The following SIRT6 variants were observed in gnomAD, a reference collection of about 807,000 sequenced individuals.
The protein encoded by SIRT6 is sirtuin 6, also known as NAD-dependent protein deacylase sirtuin-6.
In SIRT6, 21 loss-of-function variants were observed where a neutral mutation model predicts 33.6. The observed-to-expected ratio is 0.62, with a 90% CI of 0.44 to 0.90. The LOEUF (loss-of-function observed/expected upper bound fraction) is 0.90. Ranked by LOEUF, SIRT6 falls within the 40% of genes least tolerant of loss-of-function variation. The pLI is 0.00. For missense variants in SIRT6, 504 were observed against 510.6 expected (o/e 0.99, Z 0.12); for synonymous variants, 221 against 223.9 (o/e 0.99, Z 0.12).
At chr19:4,175,467 C>G in intron 6 of SIRT6, 3 of 626,634 alleles carry the variant, frequency 4.8e-6, no homozygotes, top group East Asian at 2.8e-5. Context: ...CTGGCGGAAG[C>G]CTTGGTTTCC....
At position 4,175,167 on chromosome 19, in the gene SIRT6, G is replaced by A. The variant is rs199567849; in HGVS notation, c.615-16C>T. 57 of 1,593,144 alleles carry A rather than the reference G, an allele frequency of 3.6e-5. No individual in the cohort carries two copies. The highest frequency in any genetic ancestry group is 6.7e-5 in the South Asian group (6 of 89,292). ...GTCGGCGTTCCTGGGGCCGGGGAGC[G>A]TGGGCTGAGCCTGATGCCCTGCTCC... On this transcript the variant is annotated splice_polypyrimidine_tract_variant and intron_variant, in intron 6 of 7. Coordinates refer to ENST00000337491, the MANE Select transcript of SIRT6 (RefSeq NM_016539.4).
In SIRT6 at chr19:4,175,875, G is replaced by T; in HGVS notation, c.500C>A (p.Thr167Asn). The T allele has an allele frequency of 6.4e-7, 1 of 1,566,694 alleles. No homozygotes were observed. Among genetic ancestry groups the T allele is most frequent in the Non-Finnish European group, 8.7e-7 (1 of 1,156,046 alleles). The change falls in exon 5 of 8, where the codon ACC becomes AAC. Residue 167 changes from threonine to asparagine, a missense_variant. Physicochemically the swap from Thr to Asn is moderately conservative, Grantham distance 65. Transcript: ENST00000337491. ...TCGCAGCCCCCTTGCCTTAGCCACG[G>T]TGCAGAGCCGGCCCGTGGCCTTCAG... ...MGLKATGRLCTVAKARGLRAC... is the reference protein window; with the variant it reads ...MGLKATGRLCNVAKARGLRAC...
chr19:4,176,629 G>GT (rs1026644435), intron 4 of SIRT6, among the ~76,000 whole-genome samples: 1 of 152,140 alleles, frequency 6.6e-6, no homozygotes, highest in Non-Finnish European at 1.5e-5. Context: ...CCCTGTGGCT[G>GT]TAGGTCCAGG....
At chr19:4,181,985 A>T (rs1275011332) in intron 1 of SIRT6, among the ~76,000 whole-genome samples, 1 of 152,000 alleles carries the variant, frequency 6.6e-6, no homozygotes, top group Non-Finnish European at 1.5e-5. Flanking sequence ...GACTTCCCCA[A>T]AGTCCCACAG....
intron 6 of SIRT6, 169 bp from the exon 7 acceptor site, chr19:4,175,320 C>A: frequency 1.1e-6 from 1 of 918,272 alleles, no homozygotes; most frequent in Non-Finnish European, 1.6e-6. Context: ...CTCTGCGGTC[C>A]GTTGGCGGGG....
intron 2 of SIRT6, among the ~76,000 whole-genome samples, chr19:4,180,104 T>G (rs1195427829): frequency 7.6e-6 from 1 of 132,402 alleles, no homozygotes; most frequent in Non-Finnish European, 1.6e-5. Context: ...TTTTTTTTTT[T>G]TTTTTTTTTT....
At position 4,175,046 on chromosome 19, in the gene SIRT6, G is replaced by A. The variant is rs1392924213; in HGVS notation, c.720C>T (p.Asn240=). 6.3e-7 allele frequency: 1 copy of A among 1,592,266 alleles called. No individual in the cohort carries two copies. Among genetic ancestry groups the A allele is most frequent in the Admixed American group, 1.8e-5 (1 of 57,100 alleles). ...CACCTACGTGCTTGGTGGGCTGCAG[G>A]TTGACGATGACCAGGCGGCCTCCCC... ...KRRGGRLVIV[N]LQPTKHDRHA... Residue 240 remains asparagine (N), a synonymous_variant, in exon 7 of 8, where the codon AAC becomes AAT. Transcript: ENST00000337491.
intron 6 of SIRT6, chr19:4,175,363 G>A (rs1215783550): frequency 1.0e-5 from 7 of 688,048 alleles, no homozygotes; most frequent in Non-Finnish European, 1.7e-5. Flanking sequence ...AGACACTTCC[G>A]GGGAGTATCA....
At chr19:4,175,621 G>A in intron 6 of SIRT6, 59 bp downstream of exon 6, 2 of 1,416,496 alleles carry the variant, frequency 1.4e-6, no homozygotes, top group Non-Finnish European at 1.9e-6. Context: ...AGCTGGCTGT[G>A]TTTCTGCTGT....
At chr19:4,175,195 C>T (rs1348642503) in intron 6 of SIRT6, 44 bp from the exon 7 acceptor site, 3 of 1,565,440 alleles carry the variant, frequency 1.9e-6, no homozygotes, top group Non-Finnish European at 2.6e-6. Context: ...CCTGCTCCTG[C>T]CAACATCCCG....
intron 3 of SIRT6, among the ~76,000 whole-genome samples, 160 bp downstream of exon 3, chr19:4,178,944 G>A (rs1364259594): frequency 1.3e-5 from 2 of 151,844 alleles, no homozygotes. Context: ...CCTCAGCCGG[G>A]ACAGCTCTGA....
chr19:4,177,836 C>T (rs1436128683), intron 3 of SIRT6, among the ~76,000 whole-genome samples: 3 of 152,078 alleles, frequency 2.0e-5, no homozygotes, highest in East Asian at 1.9e-4. Context: ...GTGATCCACC[C>T]GCCTCGGCCT....
chr19:4,174,713 G>A lies in SIRT6; in HGVS notation c.972C>T (p.Asn324=), dbSNP rs757305022. 20 of 1,472,328 alleles carry A rather than the reference G, an allele frequency of 1.4e-5. No individual in the cohort carries two copies. Among genetic ancestry groups the A allele is most frequent in the Admixed American group, 1.0e-4 (4 of 39,630 alleles). 91.2% of individuals were successfully genotyped at this position (1,472,328 alleles called of 1,614,324 possible). A position where few individuals can be genotyped will look rare whatever the true frequency, so the allele number is the denominator to read the frequency against. ...GTTTGGGGCTGGCGGGCTCTGAGCCGTTGTGCTGGGCGCAGGGCTCCTGCT... is the reference window on the plus strand; with the variant it reads ...GTTTGGGGCTGGCGGGCTCTGAGCCATTGTGCTGGGCGCAGGGCTCCTGCT... ...GPKQEPCAQH[N]GSEPASPKRE... is the part of the protein sequence containing the mutation. Residue 324 remains asparagine, a synonymous_variant, in exon 8 of 8, where the codon AAC becomes AAT. Coordinates refer to ENST00000337491, the MANE Select transcript of SIRT6 (RefSeq NM_016539.4). This position sits in a 1 kb window ranked among gnomAD's most constrained non-coding sequence, Gnocchi z 4.2.
At chr19:4,178,549 G>A (rs1170278207) in intron 3 of SIRT6, among the ~76,000 whole-genome samples, 2 of 151,988 alleles carry the variant, frequency 1.3e-5, no homozygotes, top group African/African-American at 4.8e-5. Flanking sequence ...TAATAAAGAT[G>A]GATATTAAAA....
chr19:4,180,651 A>G, intron 2 of SIRT6, 131 bp downstream of exon 2: 1 of 1,225,176 alleles, frequency 8.2e-7, no homozygotes, highest in Non-Finnish European at 1.1e-6. Flanking sequence ...CACATCTTAA[A>G]GGGAGTACCC....
Position 4,175,711 on chromosome 19 carries a change from G to T in SIRT6, c.583C>A (p.Arg195=), listed in dbSNP as rs540970217. 7 of 1,583,282 alleles carry T rather than the reference G, an allele frequency of 4.4e-6. No individual in the cohort carries two copies. In the African/African-American group the frequency reaches 9.4e-5, roughly 21 times the overall value. The change falls in exon 6 of 8, where the codon CGG becomes AGG. Residue 195 remains arginine, a synonymous_variant. Coordinates refer to ENST00000337491, the MANE Select transcript of SIRT6 (RefSeq NM_016539.4). The part of the protein sequence containing the change: ...ILDWEDSLPD[R]DLALADEASR... ...GCCTCATCGGCGAGTGCCAGGTCCC[G>T]GTCGGGCAGGGAGTCCTCCCAGTCT...
At chr19:4,179,586 C>T (rs978947850) in intron 2 of SIRT6, 10 of 450,890 alleles carry the variant, frequency 2.2e-5, no homozygotes, top group Non-Finnish European at 3.2e-5. Flanking sequence ...TGAATTCACA[C>T]GAAGGCAAAA....
In SIRT6 at chr19:4,180,935, G is replaced by A. The variant is rs201520879; in HGVS notation, c.67-26C>T. 6.7e-4 allele frequency: 1,066 copies of A among 1,584,364 alleles called. 15 individuals are homozygous for A. In the South Asian group the frequency reaches 0.012, roughly 17 times the overall value. On this transcript the variant is annotated intron_variant, in intron 1 of 7. Coordinates refer to ENST00000337491, the MANE Select transcript of SIRT6 (RefSeq NM_016539.4). ...CTGTGGGGGGAGAGAGCAGACGGAG[G>A]GGTCAAAACAGTTCCCCCAAGTGGC... is the stretch of plus-strand genomic sequence containing the variant.
Position 4,176,521 on chromosome 19 carries a change from G to A in SIRT6, c.437+558C>T, listed in dbSNP as rs547405691. 3.9e-5 allele frequency among the ~76,000 whole-genome samples: 6 copies of A among 152,248 alleles called. No individual in the cohort carries two copies. The South Asian group carries it at 6.2e-4, about 16-fold the overall frequency. On this transcript the variant is annotated intron_variant, in intron 4 of 7. Transcript: ENST00000337491. Reference sequence around the variant, plus strand: ...GAATAATTGCCTGAACCCGGGAGGCGGAGGTTGCAGTGAGCCGAGATTGCC... The same window carrying A: ...GAATAATTGCCTGAACCCGGGAGGCAGAGGTTGCAGTGAGCCGAGATTGCC...
Sources: allele counts gnomAD v4.1 joint callset (sites outside exome capture counted in the v4.1 genomes callset), GRCh38; gene constraint gnomAD v4.1.1; non-coding constraint Gnocchi (gnomAD v3.1); transcripts MANE v1.5; gene names NCBI Gene and HGNC (gene_info 2026-07-23, HGNC 2026-07-21).